Variants in GEMIN4 observed in about 807,000 individuals in gnomAD.
GEMIN4 encodes the protein gem nuclear organelle associated protein 4.
Under a neutral mutation model 76.8 loss-of-function variants are expected in GEMIN4, and 59 were observed. That is an observed-to-expected ratio of 0.77 (90% CI 0.62 to 0.95). The LOEUF (loss-of-function observed/expected upper bound fraction) is 0.95. GEMIN4 is among the 40% of genes least tolerant of loss of function. The pLI is 0.00. For missense variants in GEMIN4, 1,311 were observed against 1,318.9 expected, an observed-to-expected ratio of 0.99 and a Z score of 0.09; for synonymous variants, 562 against 559.7, an observed-to-expected ratio of 1.00 and a Z score of -0.06.
intron 1 of GEMIN4, chr17:750,090 TAG>T: frequency 1.5e-6 from 1 of 660,314 alleles, no homozygotes; most frequent in Non-Finnish European, 1.9e-6. Flanking sequence ...GTTCAGTGGC[TAG>T]CACTTGTAAT....
chr17:745,287 A>G lies in GEMIN4; in HGVS notation c.2756T>C (p.Phe919Ser), dbSNP rs1399984833. 5.6e-6 allele frequency: 9 copies of G among 1,612,058 alleles called. No individual in the cohort carries two copies. Among genetic ancestry groups the G allele is most frequent in the South Asian group, 3.3e-5 (3 of 90,946 alleles). ...LQLSVLFLRT[F>S]QFLCSHSCRD... ...ACAGCTATGGCTGCAGAGAAACTGG[A>G]AAGTCCTCAGGAAGAGGACGGAGAG... Residue 919 changes from phenylalanine (F) to serine (S), a missense_variant, in exon 2 of 2, where the codon TTC becomes TCC. Coordinates refer to ENST00000319004, the MANE Select transcript of GEMIN4 (RefSeq NM_015721.3). The surrounding 1 kb of genome is among the most constrained non-coding windows in gnomAD (Gnocchi z 4.6).
Position 746,747 on chromosome 17 carries a change from G to A in GEMIN4, c.1296C>T (p.Ala432=), listed in dbSNP as rs757302002. The change falls in exon 2 of 2, where the codon GCC becomes GCT. Residue 432 remains alanine (A), a synonymous_variant. Transcript: ENST00000319004. The surrounding 1 kb of genome is among the most constrained non-coding windows in gnomAD (Gnocchi z 4.3). ...CYIFASEKKW[A]FSDEWVACLG... ...GGCAGGCTACCCACTCGTCCGAGAA[G>A]GCCCACTTCTTCTCAGAGGCAAAAA... The A allele has an allele frequency of 9.9e-6, 16 of 1,613,632 alleles. No individual in the cohort carries two copies. The highest frequency in any genetic ancestry group is 1.4e-5 in the Non-Finnish European group (16 of 1,179,854).
chr17:745,438 A>G lies in GEMIN4; in HGVS notation c.2605T>C (p.Trp869Arg), dbSNP rs1475371048. ...CTGGTCAGCTGGTGAAGGCGCTGCC[A>G]CTCCTGAGGGCTGCACCAAGGCATG... is the stretch of plus-strand genomic sequence containing the variant. ...QVMPWCSPQE[W>R]QRLHQLTRRL... is the part of the protein sequence containing the mutation. The change falls in exon 2 of 2, where the codon TGG (tryptophan) becomes CGG (arginine). Residue 869 changes from tryptophan to arginine, a missense_variant. By Grantham distance (101) the Trp-to-Arg change is moderately radical. This residue lies in a region of GEMIN4 where 1,208 missense variants were observed against 1,166.9 expected (regional missense o/e 1.04). Transcript: ENST00000319004. The surrounding 1 kb of genome is among the most constrained non-coding windows in gnomAD (Gnocchi z 4.6). 11 of 1,612,426 alleles carry G rather than the reference A, an allele frequency of 6.8e-6. No individual in the cohort carries two copies. Among genetic ancestry groups the G allele is most frequent in the Non-Finnish European group, 9.3e-6 (11 of 1,179,672 alleles).
chr17:751,537 C>G (rs1342975905), intron 1 of GEMIN4: 1 of 152,232 alleles, frequency 6.6e-6, no homozygotes, highest in South Asian at 2.1e-4. Flanking sequence ...CCTCCCAGAC[C>G]TTGCCTGTAA....
upstream of GEMIN4, chr17:752,398 C>G (rs926929443): frequency 2.6e-6 from 2 of 772,562 alleles, no homozygotes; most frequent in Non-Finnish European, 3.5e-6. Context: ...ACGTCGCTCA[C>G]TAGACCCCTC....
Position 749,554 on chromosome 17 carries a change from C to T in GEMIN4, c.11-1522G>A, listed in dbSNP as rs555953971. ...GGGCACAGCAGCAATCACACAGCCA[C>T]AAGGTAATGGGCACAGCAGCAATCA... On this transcript the variant is annotated intron_variant, in intron 1 of 1. Coordinates refer to ENST00000319004, the MANE Select transcript of GEMIN4 (RefSeq NM_015721.3). Among the ~76,000 whole-genome samples, 148 of 149,008 alleles carry T rather than the reference C, an allele frequency of 9.9e-4. 1 individual carries two copies. The highest frequency in any genetic ancestry group is 1.7e-3 in the Non-Finnish European group (118 of 67,550).
upstream of GEMIN4, chr17:753,681 CT>C (rs1490085685): frequency 1.3e-5 from 2 of 152,444 alleles, no homozygotes; most frequent in African/African-American, 2.4e-5. Context: ...CACAGACTAA[CT>C]TTTTGTATGG....
chr17:747,046 C>A lies in GEMIN4; in HGVS notation c.997G>T (p.Ala333Ser). ...LLREWGEELQAVLRSSQGTSY... is the reference protein window; with the variant it reads ...LLREWGEELQSVLRSSQGTSY... ...GTCCCCTGGCTGCTGCGGAGCACGGCCTGCAACTCCTCCCCCCACTCCCGC... is the reference window on the plus strand; with the variant it reads ...GTCCCCTGGCTGCTGCGGAGCACGGACTGCAACTCCTCCCCCCACTCCCGC... The change falls in exon 2 of 2, where the codon GCC (alanine) becomes TCC (serine). Residue 333 changes from alanine to serine, a missense_variant. By Grantham distance (99) the Ala-to-Ser change is moderately conservative. Coordinates refer to ENST00000319004, the MANE Select transcript of GEMIN4 (RefSeq NM_015721.3). 3 of 1,613,502 alleles carry A rather than the reference C, an allele frequency of 1.9e-6. No homozygotes were observed. The highest frequency in any genetic ancestry group is 2.5e-6 in the Non-Finnish European group (3 of 1,179,878).
rs779259333 is a variant in GEMIN4 at position 748,072 on chromosome 17, T to C, written c.11-40A>G. 19 of 1,459,216 alleles carry C rather than the reference T, an allele frequency of 1.3e-5. No individual in the cohort carries two copies. In the African/African-American group the frequency reaches 2.4e-4, roughly 18 times the overall value. 90.4% of individuals were successfully genotyped at this position (1,459,216 alleles called of 1,614,324 possible). A position where few individuals can be genotyped will look rare whatever the true frequency, so the allele number is the denominator to read the frequency against. Reference sequence around the variant, plus strand: ...GCCAAATAAGACAGTATAGTGAAAATGTTTCCAGATGGCCACTGCTGTTAG... The same window carrying C: ...GCCAAATAAGACAGTATAGTGAAAACGTTTCCAGATGGCCACTGCTGTTAG... On this transcript the variant is annotated intron_variant, in intron 1 of 1. Transcript: ENST00000319004.
chr17:745,605 G>A lies in GEMIN4; in HGVS notation c.2438C>T (p.Thr813Met), dbSNP rs763321108. ...SQAHPGYGAG[T>M]GLLAWMECCC... ...GCACTCCATCCAGGCCAGGAGCCCC[G>A]TGCCAGCCCCGTACCCTGGGTGGGC... The change falls in exon 2 of 2, where the codon ACG becomes ATG. Residue 813 changes from threonine to methionine, a missense_variant. Coordinates refer to ENST00000319004, the MANE Select transcript of GEMIN4 (RefSeq NM_015721.3). The surrounding 1 kb of genome is among the most constrained non-coding windows in gnomAD (Gnocchi z 4.6). 28 of 1,608,968 alleles carry A rather than the reference G, an allele frequency of 1.7e-5. No homozygotes were observed. The highest frequency in any genetic ancestry group is 1.4e-4 in the Admixed American group (8 of 59,224).
At position 747,851 on chromosome 17, in the gene GEMIN4, G is replaced by A; in HGVS notation, c.192C>T (p.Ala64=). Residue 64 remains alanine (A), a synonymous_variant, in exon 2 of 2, where the codon GCC becomes GCT. Coordinates refer to ENST00000319004, the MANE Select transcript of GEMIN4 (RefSeq NM_015721.3). ...SSAAAHSQPF[A]WKKKALIIIW... is the part of the protein sequence containing the mutation. ...TGATGATCAGGGCTTTCTTCTTCCA[G>A]GCAAAGGGCTGGGAGTGTGCTGCAG... 1 of 1,613,886 alleles carries A rather than the reference G, an allele frequency of 6.2e-7. No individual in the cohort carries two copies. The highest frequency in any genetic ancestry group is 8.5e-7 in the Non-Finnish European group (1 of 1,179,872).
At position 747,592 on chromosome 17, in the gene GEMIN4, C is replaced by G; in HGVS notation, c.451G>C (p.Asp151His). The G allele has an allele frequency of 6.2e-7, 1 of 1,613,956 alleles. No individual in the cohort carries two copies. The highest frequency in any genetic ancestry group is 1.3e-5 in the African/African-American group (1 of 75,016). ...AAGGCCACGTCTTCGGCAGAAGTGT[C>G]AACGGTCACATGTTCCAGAAAGCGC... is the stretch of plus-strand genomic sequence containing the variant. ...LERFLEHVTV[D>H]TSAEDVAFFL... Residue 151 changes from aspartate to histidine, a missense_variant, in exon 2 of 2, where the codon GAC becomes CAC. Transcript: ENST00000319004.
Position 745,898 on chromosome 17 carries a change from G to C in GEMIN4, c.2145C>G (p.Pro715=), listed in dbSNP as rs1974383438. ...LDRFSKYWQL[P]KEKRCLSLDR... is the part of the protein sequence containing the mutation. The stretch of plus-strand genomic sequence containing the variant: ...CCAAAGAGAGGCACCGCTTCTCCTT[G>C]GGAAGCTGCCAGTATTTGCTGAAGC... Residue 715 remains proline, a synonymous_variant, in exon 2 of 2, where the codon CCC becomes CCG. Coordinates refer to ENST00000319004, the MANE Select transcript of GEMIN4 (RefSeq NM_015721.3). The surrounding 1 kb of genome is among the most constrained non-coding windows in gnomAD (Gnocchi z 4.6). 2 of 1,613,018 alleles carry C rather than the reference G, an allele frequency of 1.2e-6. No individual in the cohort carries two copies. Among genetic ancestry groups the C allele is most frequent in the South Asian group, 2.2e-5 (2 of 91,044 alleles).
chr17:748,793 T>C (rs1156583232), intron 1 of GEMIN4: 10 of 173,740 alleles, frequency 5.8e-5, no homozygotes, highest in Admixed American at 8.9e-5. Context: ...CACAGGGTAA[T>C]GGGCACAGCA....
rs769526210 is a variant in GEMIN4 at position 747,823 on chromosome 17, A to G, written c.220T>C (p.Trp74Arg). 6.2e-7 allele frequency: 1 copy of G among 1,613,564 alleles called. No homozygotes were observed. The highest frequency in any genetic ancestry group is 1.1e-5 in the South Asian group (1 of 91,064). ...GGGTGCGGCTGCAGAACCTTGGCCCAGATGATGATCAGGGCTTTCTTCTTC... is the reference window on the plus strand; with the variant it reads ...GGGTGCGGCTGCAGAACCTTGGCCCGGATGATGATCAGGGCTTTCTTCTTC... ...AWKKKALIII[W>R]AKVLQPHPVT... is the part of the protein sequence containing the mutation. Residue 74 changes from tryptophan (W) to arginine (R), a missense_variant, in exon 2 of 2, where the codon TGG (tryptophan) becomes CGG (arginine). Physicochemically the swap from Trp to Arg is moderately radical, Grantham distance 101 (BLOSUM62 -3). Around this residue, in one of 2 missense-constraint regions of GEMIN4, gnomAD observed 103 missense variants for 152.0 expected, o/e 0.68. Coordinates refer to ENST00000319004, the MANE Select transcript of GEMIN4 (RefSeq NM_015721.3).
At position 745,711 on chromosome 17, in the gene GEMIN4, A is replaced by C; in HGVS notation, c.2332T>G (p.Phe778Val). 6.2e-7 allele frequency: 1 copy of C among 1,604,220 alleles called. No individual in the cohort carries two copies. Among genetic ancestry groups the C allele is most frequent in the South Asian group, 1.1e-5 (1 of 89,764 alleles). Reference protein sequence around the residue: ...WTVGLRLKSFFEGHFKCEVPA... With the variant: ...WTVGLRLKSFVEGHFKCEVPA... The stretch of plus-strand genomic sequence containing the variant: ...ACTTCACACTTGAAGTGCCCCTCGA[A>C]GAAGCTCTTCAGCCTCAGGCCCACA... Residue 778 changes from phenylalanine (F) to valine (V), a missense_variant, in exon 2 of 2, where the codon TTC (phenylalanine) becomes GTC (valine). By Grantham distance (50) the Phe-to-Val change is conservative (BLOSUM62 -1). Transcript: ENST00000319004. The surrounding 1 kb of genome is among the most constrained non-coding windows in gnomAD (Gnocchi z 4.6).
rs547824009 is a variant in GEMIN4 at position 748,569 on chromosome 17, A to G, written c.11-537T>C. ...GAGAGGGGTTTAGAAATAGGAGGAC[A>G]GTACAAACTACAGGGGCCACTGAGC... On this transcript the variant is annotated intron_variant, in intron 1 of 1. Coordinates refer to ENST00000319004, the MANE Select transcript of GEMIN4 (RefSeq NM_015721.3). 282 of 177,184 alleles carry G rather than the reference A, an allele frequency of 1.6e-3. 1 individual carries two copies. Among genetic ancestry groups the G allele is most frequent in the Non-Finnish European group, 3.0e-3 (249 of 83,328 alleles). The allele number at this position is 177,184 out of a possible 1,614,324, so 11.0% of individuals were successfully genotyped here.
At position 746,966 on chromosome 17, in the gene GEMIN4, C is replaced by T. The variant is rs3744742; in HGVS notation, c.1077G>A (p.Ala359=). The change falls in exon 2 of 2, where the codon GCG becomes GCA. Residue 359 remains alanine, a synonymous_variant. Transcript: ENST00000319004. This position sits in a 1 kb window ranked among gnomAD's most constrained non-coding sequence, Gnocchi z 4.3. ...CDSLTSFSQN[A]TLYLNRTSLS... ...GGCTGGTGCGGTTCAGGTAGAGCGT[C>T]GCGTTCTGGCTGAAGGAAGTCAGAC... 139,815 of 1,613,032 alleles carry T rather than the reference C, an allele frequency of 0.087. 7,911 individuals carry two copies. The highest frequency in any genetic ancestry group is 0.3 in the East Asian group (13,671 of 44,862).
In GEMIN4 at chr17:746,317, T is replaced by A; in HGVS notation, c.1726A>T (p.Lys576Ter). The change falls in exon 2 of 2, where the codon AAG (lysine) becomes TAG (stop). Residue 576 changes from lysine to a stop codon, truncating the protein, a stop_gained. Transcript: ENST00000319004. LOFTEE classifies it high-confidence loss of function. The surrounding 1 kb of genome is among the most constrained non-coding windows in gnomAD (Gnocchi z 4.3). ...SLAVVNLGTH[K>*]FLAQILTAFP... ...GCAGTGAGAATCTGGGCCAGGAACT[T>A]GTGGGTGCCGAGATTGACCACAGCC... The A allele has an allele frequency of 6.2e-7, 1 of 1,613,664 alleles. No individual in the cohort carries two copies. Among genetic ancestry groups the A allele is most frequent in the Non-Finnish European group, 8.5e-7 (1 of 1,179,874 alleles).
Sources: allele counts gnomAD v4.1 joint callset (sites outside exome capture counted in the v4.1 genomes callset), GRCh38; gene constraint gnomAD v4.1.1; regional missense constraint gnomAD v4.1.1; non-coding constraint Gnocchi (gnomAD v3.1); transcripts MANE v1.5; gene names NCBI Gene and HGNC (gene_info 2026-07-23, HGNC 2026-07-21).